Variants in LAYN observed in about 807,000 individuals in gnomAD.
LAYN encodes the protein layilin.
LAYN carries 38 observed loss-of-function variants against 43.6 expected under a neutral mutation model. The ratio of observed to expected loss-of-function variants is 0.87; its 90% confidence interval spans 0.67 to 1.14. The LOEUF (loss-of-function observed/expected upper bound fraction) is 1.14, where lower values mean the gene tolerates loss of function less well. Among genes scored for constraint, LAYN ranks in the 50% most tolerant of loss-of-function variants. LAYN has a pLI of 0.00. For synonymous variants in LAYN, 168 were observed against 172.9 expected (o/e 0.97, Z 0.22); for missense variants, 479 against 463.8 (o/e 1.03, Z -0.30).
At chr11:111,544,559 G>A (rs2135791259) in intron 2 of LAYN, among the ~76,000 whole-genome samples, 1 of 152,222 alleles carries the variant, frequency 6.6e-6, no homozygotes, top group South Asian at 2.1e-4. Context: ...TATGACTCAG[G>A]GTAGGACTCC....
intron 4 of LAYN, 81 bp from the exon 5 acceptor site, chr11:111,555,126 C>A: frequency 9.6e-7 from 1 of 1,042,382 alleles, no homozygotes; most frequent in Non-Finnish European, 1.4e-6. Flanking sequence ...TTTTGCATCC[C>A]AATTTGAACA....
intron 3 of LAYN, among the ~76,000 whole-genome samples, chr11:111,552,919 AGAAT>A (rs1031859841): frequency 4.7e-4 from 71 of 152,218 alleles, no homozygotes; most frequent in Admixed American, 3.1e-3. Flanking sequence ...AATTTTCGTT[AGAAT>A]GTGTTTGGTT....
chr11:111,553,715 TACACACACACACACAC>T (rs60878342), intron 3 of LAYN, among the ~76,000 whole-genome samples: 2,471 of 140,468 alleles, frequency 0.018, 37 homozygotes, highest in Middle Eastern at 0.05. Context: ...ACATCACCTA[TACACACACACACACAC>T]ACACACACAC....
intron 2 of LAYN, among the ~76,000 whole-genome samples, chr11:111,545,271 A>G (rs79002669): frequency 0.073 from 11,082 of 152,060 alleles, 912 homozygotes; most frequent in African/African-American, 0.2. Context: ...GCTGGTCCCA[A>G]GGCCACAGAT....
intron 3 of LAYN, among the ~76,000 whole-genome samples, chr11:111,553,456 A>G (rs539309325): frequency 6.6e-6 from 1 of 151,890 alleles, no homozygotes; most frequent in African/African-American, 2.4e-5. Context: ...TCTACTAAAA[A>G]TAAAAGTACA....
chr11:111,543,915 T>C lies in LAYN; in HGVS notation c.86-8T>C. The C allele has an allele frequency of 1.9e-6, 3 of 1,595,128 alleles. No homozygotes were observed. The highest frequency in any genetic ancestry group is 2.6e-6 in the Non-Finnish European group (3 of 1,173,120). On this transcript the variant is annotated splice_region_variant and splice_polypyrimidine_tract_variant and intron_variant, in intron 1 of 6. Coordinates refer to ENST00000375614, the MANE Select transcript of LAYN (RefSeq NM_178834.5). ...ACACTGAAATAGATTGGCTTCTTTT[T>C]TCTCTAGGGCAGCCAGTCTGCCGGG...
At chr11:111,553,634 A>C (rs1458404534) in intron 3 of LAYN, among the ~76,000 whole-genome samples, 3 of 151,112 alleles carry the variant, frequency 2.0e-5, no homozygotes, top group Middle Eastern at 3.4e-3. Flanking sequence ...AAAAAAAAAA[A>C]ACAACACTTA....
At chr11:111,541,589 A>G in intron 1 of LAYN, 5 of 1,535,640 alleles carry the variant, frequency 3.3e-6, no homozygotes, top group Non-Finnish European at 4.4e-6. Context: ...AGAGGAGGTA[A>G]AGTGCTCTGG....
At position 111,560,010 on chromosome 11, in the gene LAYN, G is replaced by A. The variant is rs189467779; in HGVS notation, c.762-85G>A. ...TGCAGCTGGGTGACTGCCCAGGGCT[G>A]CTTCCTCTCGTCTCAACAGGAAGCA... On this transcript the variant is annotated intron_variant, in intron 6 of 6. Transcript: ENST00000375614. The A allele has an allele frequency of 5.1e-3, 7,508 of 1,481,616 alleles. 67 individuals carry two copies. Among genetic ancestry groups the A allele is most frequent in the South Asian group, 0.032 (2,339 of 73,156 alleles). 91.8% of individuals were successfully genotyped at this position (1,481,616 alleles called of 1,614,324 possible). A position where few individuals can be genotyped will look rare whatever the true frequency, so the allele number is the denominator to read the frequency against.
rs36063658 is a variant in LAYN, at chr11:111,545,055, A to AATAT, written c.383+852_383+855dup. ...CTATGTACCCCCCCAAAATTTAACAAATATATATATATATATATATTTTTT... is the reference window on the plus strand; with the variant it reads ...CTATGTACCCCCCCAAAATTTAACAAATATATATATATATATATATATATTTTTT... On this transcript the variant is annotated intron_variant, in intron 2 of 6. Coordinates refer to ENST00000375614, the MANE Select transcript of LAYN (RefSeq NM_178834.5). Among the ~76,000 whole-genome samples the AATAT allele has an allele frequency of 5.0e-3, 414 of 82,522 alleles. 4 individuals are homozygous for AATAT. Among genetic ancestry groups the AATAT allele is most frequent in the African/African-American group, 0.012 (385 of 31,214 alleles). 54.1% of individuals were successfully genotyped at this position (82,522 alleles called of 152,430 possible). A position where few individuals can be genotyped will look rare whatever the true frequency, so the allele number is the denominator to read the frequency against.
At chr11:111,551,057 T>C (rs960418343) in intron 3 of LAYN, among the ~76,000 whole-genome samples, 1 of 152,168 alleles carries the variant, frequency 6.6e-6, no homozygotes, top group Non-Finnish European at 1.5e-5. Context: ...TGCTGAGGTG[T>C]AGGCCAAGAG....
intron 5 of LAYN, among the ~76,000 whole-genome samples, chr11:111,556,907 A>C (rs993855341): frequency 2.6e-5 from 4 of 152,188 alleles, no homozygotes; most frequent in Non-Finnish European, 5.9e-5. Flanking sequence ...GTAAGCCTCT[A>C]AGTGCTCTTC....
At chr11:111,540,956 G>C in intron 1 of LAYN, 28 bp downstream of exon 1, 1 of 1,523,530 alleles carries the variant, frequency 6.6e-7, no homozygotes, top group Non-Finnish European at 8.8e-7. Context: ...GGCGGGGGCT[G>C]GTGCCGGGGT....
intron 2 of LAYN, among the ~76,000 whole-genome samples, chr11:111,548,511 G>A (rs577846301): frequency 6.6e-6 from 1 of 152,346 alleles, no homozygotes; most frequent in South Asian, 2.1e-4. Context: ...TAACTAATGA[G>A]GTGCCCCCAG....
At position 111,555,289 on chromosome 11, in the gene LAYN, A is replaced by T. The variant is rs759523126; in HGVS notation, c.657A>T (p.Arg219Ser). ...EDAKKTFKESREAALNLAYIL... is the reference protein window; with the variant it reads ...EDAKKTFKESSEAALNLAYIL... The stretch of plus-strand genomic sequence containing the variant: ...CCAAAAAAACATTTAAAGAAAGTAG[A>T]GGTATCTACAAAACTCTCCTGGGAA... The change falls in exon 5 of 7, where the codon AGA becomes AGT. Residue 219 changes from arginine to serine, a missense_variant and splice_region_variant. By Grantham distance (110) the Arg-to-Ser change is moderately radical (BLOSUM62 -1). Coordinates refer to ENST00000375614, the MANE Select transcript of LAYN (RefSeq NM_178834.5). The T allele has an allele frequency of 6.8e-6, 11 of 1,606,704 alleles. No homozygotes were observed. The South Asian group carries it at 9.9e-5, about 14-fold the overall frequency.
chr11:111,546,332 C>T (rs1361917114), intron 2 of LAYN, among the ~76,000 whole-genome samples: 1 of 152,160 alleles, frequency 6.6e-6, no homozygotes, highest in Non-Finnish European at 1.5e-5. Flanking sequence ...TTTACCTTAC[C>T]CCTAGTTCTT....
chr11:111,540,411 G>A (rs1867506854), upstream of LAYN: 1 of 189,772 alleles, frequency 5.3e-6, no homozygotes, highest in African/African-American at 2.4e-5. Context: ...AGCGGGAGAG[G>A]AGGGGTGAGA....
intron 2 of LAYN, among the ~76,000 whole-genome samples, chr11:111,544,589 T>C (rs1488107511): frequency 6.6e-6 from 1 of 152,090 alleles, no homozygotes; most frequent in Non-Finnish European, 1.5e-5. Flanking sequence ...GGAATTGTAA[T>C]AATGGGCAAG....
At chr11:111,544,325 G>A (rs1867608659) in intron 2 of LAYN, 105 bp downstream of exon 2, 2 of 1,117,708 alleles carry the variant, frequency 1.8e-6, no homozygotes, top group Non-Finnish European at 2.5e-6. Flanking sequence ...GACCAACCAG[G>A]CAGATCTCTG....
Sources: allele counts gnomAD v4.1 joint callset (sites outside exome capture counted in the v4.1 genomes callset), GRCh38; gene constraint gnomAD v4.1.1; transcripts MANE v1.5; gene names NCBI Gene and HGNC (gene_info 2026-07-23, HGNC 2026-07-21).